The following PIGB variants were observed in gnomAD, a reference collection of about 807,000 sequenced individuals.
PIGB encodes phosphatidylinositol glycan anchor biosynthesis class B.
Under a neutral mutation model 68.4 loss-of-function variants are expected in PIGB, and 58 were observed. The observed-to-expected ratio is 0.85, with a 90% CI of 0.69 to 1.06. The LOEUF is 1.06. PIGB is among the 50% of genes least tolerant of loss of function. The pLI is 0.00. For synonymous variants in PIGB, 219 were observed against 220.5 expected (o/e 0.99, Z 0.06); for missense variants, 634 against 655.8 (o/e 0.97, Z 0.36).
rs753732165 is a variant in PIGB at position 55,320,326 on chromosome 15, T to C, written c.215T>C (p.Ile72Thr). The change falls in exon 2 of 12, where the codon ATA (isoleucine) becomes ACA (threonine). Residue 72 changes from isoleucine (I) to threonine (T), a missense_variant. Transcript: ENST00000164305. ...YLLLFTIALR[I>T]LNCFLVQTSF... The stretch of plus-strand genomic sequence containing the variant: ...CTCTTGTTTACCATAGCTTTACGAA[T>C]ATTAAACTGCTTTTTAGTGCAGACA... 6.2e-7 allele frequency: 1 copy of C among 1,613,244 alleles called. No individual in the cohort carries two copies. Among genetic ancestry groups the C allele is most frequent in the Non-Finnish European group, 8.5e-7 (1 of 1,179,236 alleles).
chr15:55,345,598 A>G (rs1197771079), intron 9 of PIGB, among the ~76,000 whole-genome samples: 1 of 152,158 alleles, frequency 6.6e-6, no homozygotes. Flanking sequence ...GTCTCTACTA[A>G]AAATACAAAA....
chr15:55,337,020 T>C (rs959589974), intron 6 of PIGB, among the ~76,000 whole-genome samples: 2 of 152,096 alleles, frequency 1.3e-5, no homozygotes, highest in Non-Finnish European at 2.9e-5. Flanking sequence ...AGATTATATA[T>C]AAAACTTTTA....
chr15:55,322,122 C>T lies in PIGB; in HGVS notation c.417+732C>T, dbSNP rs564743504. On this transcript the variant is annotated intron_variant, in intron 3 of 11. Coordinates refer to ENST00000164305, the MANE Select transcript of PIGB (RefSeq NM_004855.5). ...CCAGGAGGTGGAGGTTGCGGTGAGC[C>T]GAGATCACGCCATTGCATTCTAGCC... Among the ~76,000 whole-genome samples the T allele has an allele frequency of 2.6e-4, 39 of 151,774 alleles. No individual in the cohort carries two copies. The South Asian group carries it at 4.4e-3, about 17-fold the overall frequency.
intron 9 of PIGB, among the ~76,000 whole-genome samples, chr15:55,342,496 A>G (rs1261104513): frequency 3.3e-5 from 5 of 152,088 alleles, no homozygotes; most frequent in Non-Finnish European, 4.4e-5. Flanking sequence ...TGTTCAAGCA[A>G]TTCTCCTGCC....
chr15:55,351,351 C>T (rs947045385), intron 10 of PIGB, among the ~76,000 whole-genome samples: 1 of 151,776 alleles, frequency 6.6e-6, no homozygotes, highest in African/African-American at 2.4e-5. Flanking sequence ...TCGTGATCTG[C>T]CTGCCCTGGC....
chr15:55,322,246 G>A (rs760103994), intron 3 of PIGB, among the ~76,000 whole-genome samples: 4 of 152,104 alleles, frequency 2.6e-5, no homozygotes, highest in Admixed American at 1.3e-4. Flanking sequence ...TAAGAAGACC[G>A]TGTGATATGA....
In PIGB at chr15:55,354,827, T is replaced by A; in HGVS notation, c.1367T>A (p.Phe456Tyr). The A allele has an allele frequency of 6.2e-7, 1 of 1,612,358 alleles. No homozygotes were observed. The highest frequency in any genetic ancestry group is 8.5e-7 in the Non-Finnish European group (1 of 1,179,448). ...GTTCACTGCCCACTTCCCATGAGAT[T>A]TCTCCAGTGCCCGCCAGACCTGACT... ...SHVHCPLPMR[F>Y]LQCPPDLTGK... Residue 456 changes from phenylalanine to tyrosine, a missense_variant, in exon 11 of 12, where the codon TTT becomes TAT. Coordinates refer to ENST00000164305, the MANE Select transcript of PIGB (RefSeq NM_004855.5).
intron 9 of PIGB, chr15:55,350,012 G>GT (rs1566959652): frequency 1.3e-5 from 2 of 152,144 alleles, no homozygotes; most frequent in South Asian, 2.1e-4. Context: ...ATTCTACTTG[G>GT]TTTTTTCCTT....
chr15:55,336,547 A>G (rs1249250578), intron 6 of PIGB, among the ~76,000 whole-genome samples: 1 of 152,236 alleles, frequency 6.6e-6, no homozygotes, highest in African/African-American at 2.4e-5. Context: ...CTATTTCATA[A>G]TAAAATATTT....
intron 6 of PIGB, 58 bp from the exon 7 acceptor site, chr15:55,339,208 TA>T: frequency 8.1e-7 from 1 of 1,237,700 alleles, no homozygotes; most frequent in Non-Finnish European, 1.2e-6. Context: ...AGCCATATGC[TA>T]ATAGTGGATT....
intron 9 of PIGB, among the ~76,000 whole-genome samples, chr15:55,347,058 TTGA>T (rs2055810284): frequency 4.6e-5 from 7 of 152,208 alleles, no homozygotes; most frequent in Admixed American, 4.6e-4. Flanking sequence ...CACAAGTCAT[TTGA>T]TGATAACTGA....
intron 1 of PIGB, 55 bp downstream of exon 1, chr15:55,319,468 C>G (rs935253466): frequency 7.3e-7 from 1 of 1,374,656 alleles, no homozygotes; most frequent in African/African-American, 1.5e-5. Context: ...AAGGAACCCC[C>G]TCCATTTCAT....
intron 6 of PIGB, among the ~76,000 whole-genome samples, chr15:55,338,585 C>CA (rs2055590417): frequency 1.3e-5 from 2 of 151,920 alleles, no homozygotes; most frequent in African/African-American, 4.8e-5. Context: ...GTCAAGGCTG[C>CA]AGTGAGCCAT....
At chr15:55,337,672 A>G (rs1475895704) in intron 6 of PIGB, among the ~76,000 whole-genome samples, 1 of 152,130 alleles carries the variant, frequency 6.6e-6, no homozygotes, top group African/African-American at 2.4e-5. Flanking sequence ...ACCAATTCCA[A>G]TCCTAGGTAT....
chr15:55,351,418 T>C (rs959988548), intron 10 of PIGB, among the ~76,000 whole-genome samples: 4 of 152,118 alleles, frequency 2.6e-5, no homozygotes, highest in African/African-American at 9.7e-5. Context: ...TAAACTTTAT[T>C]ATTCTTTAAA....
chr15:55,355,588 A>G lies in PIGB; in HGVS notation c.*156A>G, dbSNP rs11732. On this transcript the variant is annotated 3_prime_UTR_variant, in exon 12 of 12. Transcript: ENST00000164305. ...TGAGGAAATGTATAAAATACCACAT[A>G]GTATAAAATTACATGTTAATACAAT... The G allele has an allele frequency of 0.12, 60,201 of 522,912 alleles. 6,197 individuals are homozygous for G. Among genetic ancestry groups the G allele is most frequent in the African/African-American group, 0.4 (20,683 of 51,262 alleles). The allele number at this position is 522,912 out of a possible 1,614,324, so 32.4% of individuals were successfully genotyped here. A position where few individuals can be genotyped will look rare whatever the true frequency, so the allele number is the denominator to read the frequency against.
intron 9 of PIGB, 129 bp from the exon 10 acceptor site, chr15:55,350,563 ACTTATTG>A: frequency 1.5e-6 from 1 of 665,858 alleles, no homozygotes; most frequent in Non-Finnish European, 2.7e-6. Flanking sequence ...CAGAGATATG[ACTTATTG>A]CTTATTTCTT....
At chr15:55,336,094 C>T (rs933376526) in intron 6 of PIGB, among the ~76,000 whole-genome samples, 1 of 152,116 alleles carries the variant, frequency 6.6e-6, no homozygotes, top group Non-Finnish European at 1.5e-5. Flanking sequence ...TCTTGATAAA[C>T]TCATTGCAGG....
At chr15:55,321,808 A>G (rs943926204) in intron 3 of PIGB, among the ~76,000 whole-genome samples, 17 of 148,780 alleles carry the variant, frequency 1.1e-4, no homozygotes, top group African/African-American at 4.2e-4. Context: ...ATGCACCACC[A>G]TGCCCGGCTA....
Sources: allele counts gnomAD v4.1 joint callset (sites outside exome capture counted in the v4.1 genomes callset), GRCh38; gene constraint gnomAD v4.1.1; transcripts MANE v1.5; gene names NCBI Gene and HGNC (gene_info 2026-07-23, HGNC 2026-07-21).